The following KLK5 variants were observed in gnomAD, a reference collection of about 807,000 sequenced individuals.
The protein encoded by KLK5 is kallikrein-5.
A neutral mutation model predicts 24.0 loss-of-function variants in KLK5; 18 were observed. That is an observed-to-expected ratio of 0.75 (90% CI 0.52 to 1.11). KLK5 has a LOEUF of 1.11. Ranked by LOEUF, KLK5 falls within the 50% of genes most tolerant of loss-of-function variation. The pLI is 0.00. For missense variants in KLK5, 374 were observed against 379.2 expected, an observed-to-expected ratio of 0.99 and a Z score of 0.11; for synonymous variants, 140 against 154.0, an observed-to-expected ratio of 0.91 and a Z score of 0.67.
In KLK5 at chr19:50,948,634, C is replaced by T. The variant is rs964900594; in HGVS notation, c.726+6G>A. 6.2e-6 allele frequency: 10 copies of T among 1,613,924 alleles called. No individual in the cohort carries two copies. In the African/African-American group the frequency reaches 1.2e-4, roughly 19 times the overall value. On this transcript the variant is annotated splice_donor_region_variant and intron_variant, in intron 5 of 5. Coordinates refer to ENST00000336334, the MANE Select transcript of KLK5 (RefSeq NM_012427.5). ...GTATCTGCTGAATAAAGAGAGGTGT[C>T]CTCACCTGGCAGGAGTCTCTACCTG...
chr19:50,945,968 C>A (rs1041305323), intron 5 of KLK5, among the ~76,000 whole-genome samples: 2 of 152,200 alleles, frequency 1.3e-5, no homozygotes. Flanking sequence ...ACTTCAGTCT[C>A]CCAGAGTGCT....
At chr19:50,950,139 G>C (rs757316487) in intron 2 of KLK5, 23 bp from the exon 3 acceptor site, 1 of 1,522,170 alleles carries the variant, frequency 6.6e-7, no homozygotes, top group East Asian at 2.2e-5. Context: ...AATGGGTTGG[G>C]CGGGGCTCAG....
chr19:50,945,467 T>G (rs2090623747), intron 5 of KLK5, among the ~76,000 whole-genome samples: 1 of 151,712 alleles, frequency 6.6e-6, no homozygotes, highest in African/African-American at 2.4e-5. Flanking sequence ...GAAAAGTAGC[T>G]TGAGTGGACC....
At position 50,950,025 on chromosome 19, in the gene KLK5, C is replaced by CCCGG; in HGVS notation, c.161_164dup (p.Glu56ArgfsTer8). On this transcript the variant is annotated frameshift_variant, in exon 3 of 6. Coordinates refer to ENST00000336334, the MANE Select transcript of KLK5 (RefSeq NM_012427.5). LOFTEE classifies it high-confidence loss of function. Reference sequence around the variant, plus strand: ...TGCTGTCATCCGACCGGGCGTCTTCCCCGGCCCCAGCTCCCAGGTCCTGGT... The same window carrying CCCGG: ...TGCTGTCATCCGACCGGGCGTCTTCCCCGGCCGGCCCCAGCTCCCAGGTCCTGGT... 1 of 1,613,634 alleles carries CCCGG rather than the reference C, an allele frequency of 6.2e-7. No homozygotes were observed. Among genetic ancestry groups the CCCGG allele is most frequent in the Non-Finnish European group, 8.5e-7 (1 of 1,179,918 alleles).
At chr19:50,944,180 T>A (rs968192317) in intron 5 of KLK5, among the ~76,000 whole-genome samples, 2 of 151,650 alleles carry the variant, frequency 1.3e-5, no homozygotes, top group African/African-American at 4.8e-5. Flanking sequence ...ATTTTTTGTA[T>A]TTTTTTTGTA....
In KLK5 at chr19:50,952,586, T is replaced by G; in HGVS notation, c.72A>C (p.Thr24=). 1 of 1,581,340 alleles carries G rather than the reference T, an allele frequency of 6.3e-7. No homozygotes were observed. Among genetic ancestry groups the G allele is most frequent in the Non-Finnish European group, 8.6e-7 (1 of 1,156,290 alleles). The change falls in exon 2 of 6, where the codon ACA becomes ACC. Residue 24 remains threonine, a splice_region_variant and synonymous_variant. Transcript: ENST00000336334. ...ALITALLLGV[T]EHVLANNDVS... is the part of the protein sequence containing the mutation. Reference sequence around the variant, plus strand: ...CTCCCACCCCAGAGTTCTGGTTACCTGTGACCCCCAGAAGCAAGGCTGTGA... The same window carrying G: ...CTCCCACCCCAGAGTTCTGGTTACCGGTGACCCCCAGAAGCAAGGCTGTGA...
chr19:50,943,636 A>G lies in KLK5; in HGVS notation c.877T>C (p.Ser293Pro). ...KWIQETIQAN[S>P] Reference sequence around the variant, plus strand: ...GTGCTGAGTCCTGGGATGACTCAGGAGTTGGCCTGGATGGTTTCCTGGATC... The same window carrying G: ...GTGCTGAGTCCTGGGATGACTCAGGGGTTGGCCTGGATGGTTTCCTGGATC... Residue 293 changes from serine to proline, a missense_variant, in exon 6 of 6, where the codon TCC becomes CCC. Coordinates refer to ENST00000336334, the MANE Select transcript of KLK5 (RefSeq NM_012427.5). 1 of 1,613,754 alleles carries G rather than the reference A, an allele frequency of 6.2e-7. No homozygotes were observed. Among genetic ancestry groups the G allele is most frequent in the Non-Finnish European group, 8.5e-7 (1 of 1,179,766 alleles).
At chr19:50,949,223 G>A (rs1398019145) in intron 3 of KLK5, 108 bp from the exon 4 acceptor site, 8 of 966,010 alleles carry the variant, frequency 8.3e-6, no homozygotes, top group Non-Finnish European at 1.1e-5. Flanking sequence ...CCCACCCCCG[G>A]TCCCCAAACC....
rs2090660262 is a variant in KLK5, at chr19:50,949,008, G to C, written c.443C>G (p.Pro148Arg). The C allele has an allele frequency of 1.9e-6, 3 of 1,613,990 alleles. No homozygotes were observed. The highest frequency in any genetic ancestry group is 4.5e-5 in the East Asian group (2 of 44,888). ...KSIPHPGYSH[P>R]GHSNDLMLIK... is the part of the protein sequence containing the mutation. The stretch of plus-strand genomic sequence containing the variant: ...GAGCATGAGGTCGTTAGAGTGGCCA[G>C]GGTGGGAGTAGCCAGGGTGGGGGAT... The change falls in exon 4 of 6, where the codon CCT becomes CGT. Residue 148 changes from proline to arginine, a missense_variant. By Grantham distance (103) the Pro-to-Arg change is moderately radical. Coordinates refer to ENST00000336334, the MANE Select transcript of KLK5 (RefSeq NM_012427.5).
In KLK5 at chr19:50,947,785, T is replaced by C. The variant is rs1298308475; in HGVS notation, c.726+855A>G. On this transcript the variant is annotated intron_variant, in intron 5 of 5. Coordinates refer to ENST00000336334, the MANE Select transcript of KLK5 (RefSeq NM_012427.5). This position sits in a 1 kb window ranked among gnomAD's most constrained non-coding sequence, Gnocchi z 8.7. ...TGAAAACTGCCAAAACTGACATCTG[T>C]AACACGGAGTGCCCCTATTAGATAT... Among the ~76,000 whole-genome samples, 1 of 152,206 alleles carries C rather than the reference T, an allele frequency of 6.6e-6. No individual in the cohort carries two copies. Among genetic ancestry groups the C allele is most frequent in the Non-Finnish European group, 1.5e-5 (1 of 68,046 alleles).
At chr19:50,946,909 C>T (rs550581477) in intron 5 of KLK5, among the ~76,000 whole-genome samples, 4 of 152,088 alleles carry the variant, frequency 2.6e-5, no homozygotes, top group African/African-American at 4.8e-5. Flanking sequence ...CCCACCCCCC[C>T]ACACCCAGGG....
rs2090662517 is a variant in KLK5 at position 50,949,176 on chromosome 19, T to A, written c.336-61A>T. The A allele has an allele frequency of 1.9e-6, 3 of 1,550,116 alleles. No individual in the cohort carries two copies. The African/African-American group carries it at 4.1e-5, about 21-fold the overall frequency. Reference sequence around the variant, plus strand: ...TCTCTATCTCCACGTCCAACGCCAATCCCAACCCCACACCCAGCCCCAGCC... The same window carrying A: ...TCTCTATCTCCACGTCCAACGCCAAACCCAACCCCACACCCAGCCCCAGCC... On this transcript the variant is annotated intron_variant, in intron 3 of 5. Transcript: ENST00000336334.
In KLK5 at chr19:50,948,792, A is replaced by C. The variant is rs766284501; in HGVS notation, c.593-19T>G. 1 of 1,614,076 alleles carries C rather than the reference A, an allele frequency of 6.2e-7. No individual in the cohort carries two copies. Among genetic ancestry groups the C allele is most frequent in the South Asian group, 1.1e-5 (1 of 91,076 alleles). ...AAGTGCACTGTCAAACAGGAACACA[A>C]TGAGAAGTGGAGAAAGATGGAAGGC... On this transcript the variant is annotated intron_variant, in intron 4 of 5. Coordinates refer to ENST00000336334, the MANE Select transcript of KLK5 (RefSeq NM_012427.5).
intron 5 of KLK5, among the ~76,000 whole-genome samples, chr19:50,946,781 C>A (rs560923258): frequency 6.6e-6 from 1 of 152,230 alleles, no homozygotes; most frequent in Admixed American, 6.5e-5. Flanking sequence ...GGATGGTCTC[C>A]ATCTCCTGAC....
intron 5 of KLK5, among the ~76,000 whole-genome samples, chr19:50,944,868 C>CA (rs1292391910): frequency 1.3e-5 from 2 of 152,174 alleles, no homozygotes; most frequent in Non-Finnish European, 2.9e-5. Flanking sequence ...TTCAATTCCC[C>CA]ATACCTCCCT....
chr19:50,949,870 G>A lies in KLK5; in HGVS notation c.320C>T (p.Ala107Val), dbSNP rs2090670260. Residue 107 changes from alanine (A) to valine (V), a missense_variant, in exon 3 of 6, where the codon GCC (alanine) becomes GTC (valine). Coordinates refer to ENST00000336334, the MANE Select transcript of KLK5 (RefSeq NM_012427.5). ...TCCCACTCACTTCTTCCTGCAGTGG[G>A]CGGCCGTGAGCAGCCACTGTGGATG... ...LVHPQWLLTA[A>V]HCRKKVFRVR... is the part of the protein sequence containing the mutation. 1 of 1,556,550 alleles carries A rather than the reference G, an allele frequency of 6.4e-7. No individual in the cohort carries two copies. The highest frequency in any genetic ancestry group is 8.7e-7 in the Non-Finnish European group (1 of 1,151,868).
intron 5 of KLK5, 62 bp downstream of exon 5, chr19:50,948,578 C>T (rs544063897): frequency 1.4e-5 from 22 of 1,571,212 alleles, no homozygotes; most frequent in South Asian, 6.7e-5. Context: ...AATTTGGCAA[C>T]GCTCCATGTT....
At position 50,948,960 on chromosome 19, in the gene KLK5, C is replaced by T. The variant is rs200140569; in HGVS notation, c.491G>A (p.Arg164His). 2.1e-4 allele frequency: 339 copies of T among 1,613,942 alleles called. No homozygotes were observed. Among genetic ancestry groups the T allele is most frequent in the East Asian group, 3.6e-4 (16 of 44,876 alleles). Residue 164 changes from arginine (R) to histidine (H), a missense_variant, in exon 4 of 6, where the codon CGT (arginine) becomes CAT (histidine). Arg to His is a conservative substitution (Grantham distance 29). Transcript: ENST00000336334. ...LMLIKLNRRI[R>H]PTKDVRPINV... ...GATGGGTCTGACATCTTTAGTGGGA[C>T]GAATTCTTCTGTTCAGTTTGATGAG...
chr19:50,950,174 G>T, intron 2 of KLK5, 58 bp from the exon 3 acceptor site: 1 of 1,557,678 alleles, frequency 6.4e-7, no homozygotes, highest in Non-Finnish European at 8.7e-7. Context: ...CTGGGGGTGG[G>T]TTTCAGACTC....
Sources: allele counts gnomAD v4.1 joint callset (sites outside exome capture counted in the v4.1 genomes callset), GRCh38; gene constraint gnomAD v4.1.1; non-coding constraint Gnocchi (gnomAD v3.1); transcripts MANE v1.5; gene names NCBI Gene and HGNC (gene_info 2026-07-23, HGNC 2026-07-21).